Variants in ALDH5A1 observed in about 807,000 individuals in gnomAD.
ALDH5A1 encodes the protein succinate-semialdehyde dehydrogenase, mitochondrial.
Under a neutral mutation model 54.7 loss-of-function variants are expected in ALDH5A1, and 33 were observed. The observed-to-expected ratio is 0.60, with a 90% CI of 0.46 to 0.81. The LOEUF is 0.81. Among genes scored for constraint, ALDH5A1 ranks in the 30% least tolerant of loss-of-function variants. The pLI, the probability that ALDH5A1 is intolerant of heterozygous loss-of-function variation, is 0.00. For missense variants in ALDH5A1, 657 were observed against 711.0 expected (o/e 0.92, Z 0.86); for synonymous variants, 294 against 292.7 (o/e 1.00, Z -0.05).
chr6:24,533,734 A>C lies in ALDH5A1; in HGVS notation c.*22A>C. On this transcript the variant is annotated 3_prime_UTR_variant, in exon 10 of 10. Coordinates refer to ENST00000357578, the MANE Select transcript of ALDH5A1 (RefSeq NM_001080.3). Reference sequence around the variant, plus strand: ...GTAGGATTCTTTGGTTCTTTAAAAAAATTTAAAAGGAGACTTATCTACATA... The same window carrying C: ...GTAGGATTCTTTGGTTCTTTAAAAACATTTAAAAGGAGACTTATCTACATA... 1 of 1,607,028 alleles carries C rather than the reference A, an allele frequency of 6.2e-7. No homozygotes were observed. The highest frequency in any genetic ancestry group is 8.5e-7 in the Non-Finnish European group (1 of 1,174,072).
chr6:24,530,841 A>AG (rs1476966759), intron 8 of ALDH5A1, among the ~76,000 whole-genome samples: 14 of 152,208 alleles, frequency 9.2e-5, no homozygotes, highest in Non-Finnish European at 1.5e-4. Context: ...GCATTGATCC[A>AG]GGGACCCAGG....
intron 1 of ALDH5A1, among the ~76,000 whole-genome samples, chr6:24,497,195 T>G (rs1369119593): frequency 2.0e-5 from 3 of 152,092 alleles, no homozygotes; most frequent in Non-Finnish European, 4.4e-5. Context: ...GCTGGGTGGG[T>G]GGGGCGTGGT....
At chr6:24,526,359 T>A (rs932357273) in intron 7 of ALDH5A1, among the ~76,000 whole-genome samples, 1 of 152,052 alleles carries the variant, frequency 6.6e-6, no homozygotes, top group Non-Finnish European at 1.5e-5. Flanking sequence ...TGGAAGGAAA[T>A]TTTCTAAAAA....
chr6:24,512,863 C>T (rs995239069), intron 4 of ALDH5A1, among the ~76,000 whole-genome samples: 1 of 151,866 alleles, frequency 6.6e-6, no homozygotes, highest in East Asian at 1.9e-4. Context: ...CTATTTTTTG[C>T]ATTTTTAGTA....
chr6:24,502,681 G>T, intron 2 of ALDH5A1, 75 bp downstream of exon 2: 2 of 1,124,032 alleles, frequency 1.8e-6, no homozygotes, highest in South Asian at 2.6e-5. Context: ...GAAAGCCGCT[G>T]ACTTCCCTTC....
chr6:24,495,398 G>C (rs1055728206), intron 1 of ALDH5A1, 48 bp downstream of exon 1: 21 of 1,505,496 alleles, frequency 1.4e-5, no homozygotes, highest in Admixed American at 2.0e-5. Flanking sequence ...GGGACACGGC[G>C]GGGAGCAGAG....
At chr6:24,524,671 A>C (rs1311027745) in intron 7 of ALDH5A1, among the ~76,000 whole-genome samples, 1 of 152,166 alleles carries the variant, frequency 6.6e-6, no homozygotes, top group African/African-American at 2.4e-5. Flanking sequence ...AATACATTAA[A>C]ATTTACATTG....
chr6:24,502,031 G>A lies in ALDH5A1; in HGVS notation c.355-492G>A, dbSNP rs569705448. Among the ~76,000 whole-genome samples the A allele has an allele frequency of 6.6e-5, 10 of 152,044 alleles. No homozygotes were observed. The South Asian group carries it at 2.1e-3, about 32-fold the overall frequency. On this transcript the variant is annotated intron_variant, in intron 1 of 9. Coordinates refer to ENST00000357578, the MANE Select transcript of ALDH5A1 (RefSeq NM_001080.3). Reference sequence around the variant, plus strand: ...TTATAAAGGACTGGCTCATGTGACTGTGGATGCTAAGAAGTCCCACCCTCT... The same window carrying A: ...TTATAAAGGACTGGCTCATGTGACTATGGATGCTAAGAAGTCCCACCCTCT...
At chr6:24,527,973 C>G in intron 7 of ALDH5A1, 24 bp from the exon 8 acceptor site, 1 of 1,612,952 alleles carries the variant, frequency 6.2e-7, no homozygotes. Context: ...ATGTGGAAAG[C>G]TTTTTTTCTT....
chr6:24,516,424 G>C (rs549434352), intron 5 of ALDH5A1, among the ~76,000 whole-genome samples: 1 of 123,992 alleles, frequency 8.1e-6, no homozygotes, highest in Non-Finnish European at 1.6e-5. Context: ...CTGGGCGACA[G>C]AGTGAGACTC....
At chr6:24,505,669 G>C (rs1759324522) in intron 4 of ALDH5A1, among the ~76,000 whole-genome samples, 1 of 152,078 alleles carries the variant, frequency 6.6e-6, no homozygotes, top group South Asian at 2.1e-4. Flanking sequence ...TGGCCACCCT[G>C]TCTAAAAATC....
intron 4 of ALDH5A1, among the ~76,000 whole-genome samples, chr6:24,505,435 C>G (rs1251074881): frequency 1.3e-5 from 2 of 150,896 alleles, no homozygotes; most frequent in Non-Finnish European, 2.9e-5. Context: ...TCACTTCCCA[C>G]CCCCCCAGTA....
At chr6:24,531,867 C>T in intron 8 of ALDH5A1, 2 of 534,636 alleles carry the variant, frequency 3.7e-6, no homozygotes, top group South Asian at 2.1e-5. Context: ...GCCACAGTTC[C>T]CTACATGTTG....
chr6:24,495,139 C>G lies in ALDH5A1; in HGVS notation c.143C>G (p.Ala48Gly). 1 of 1,413,014 alleles carries G rather than the reference C, an allele frequency of 7.1e-7. No individual in the cohort carries two copies. The highest frequency in any genetic ancestry group is 9.2e-7 in the Non-Finnish European group (1 of 1,090,668). The allele number at this position is 1,413,014 out of a possible 1,614,324, so 87.5% of individuals were successfully genotyped here. A position where few individuals can be genotyped will look rare whatever the true frequency, so the allele number is the denominator to read the frequency against. ...GGCCCGGCCCAGCTCCGCTGCTACG[C>G]TGGGCGCCTGGCGGGCCTCTCTGCG... is the stretch of plus-strand genomic sequence containing the variant. ...APGPAQLRCY[A>G]GRLAGLSAAL... is the part of the protein sequence containing the mutation. Residue 48 changes from alanine (A) to glycine (G), a missense_variant, in exon 1 of 10, where the codon GCT becomes GGT. By Grantham distance (60) the Ala-to-Gly change is moderately conservative. Around this residue, in one of 2 missense-constraint regions of ALDH5A1, gnomAD observed 232 missense variants for 194.6 expected, o/e 1.19. Coordinates refer to ENST00000357578, the MANE Select transcript of ALDH5A1 (RefSeq NM_001080.3).
In ALDH5A1 at chr6:24,529,902, C is replaced by A. The variant is rs542731970; in HGVS notation, c.1343+1736C>A. On this transcript the variant is annotated intron_variant, in intron 8 of 9. Transcript: ENST00000357578. ...GGCCAGGATGGTCTCGAACTCCTGA[C>A]CTCAAGTGATCCACCCGCCTCAGCA... Among the ~76,000 whole-genome samples, 4 of 152,118 alleles carry A rather than the reference C, an allele frequency of 2.6e-5. No individual in the cohort carries two copies. The South Asian group carries it at 8.3e-4, about 32-fold the overall frequency.
At chr6:24,520,594 A>G in intron 6 of ALDH5A1, 50 bp downstream of exon 6, 2 of 1,604,602 alleles carry the variant, frequency 1.2e-6, no homozygotes, top group Non-Finnish European at 1.7e-6. Flanking sequence ...TGCATGTGTG[A>G]GTGTGTGTAT....
chr6:24,526,848 A>C (rs927631780), intron 7 of ALDH5A1, among the ~76,000 whole-genome samples: 5 of 139,744 alleles, frequency 3.6e-5, no homozygotes, highest in African/African-American at 1.4e-4. Context: ...TCTTCTCTAT[A>C]TATATATATT....
intron 8 of ALDH5A1, among the ~76,000 whole-genome samples, chr6:24,529,798 A>C (rs1759894244): frequency 6.7e-6 from 1 of 148,692 alleles, no homozygotes; most frequent in Non-Finnish European, 1.5e-5. Flanking sequence ...CAGCCTCCTG[A>C]GTAGCTGGGA....
At chr6:24,516,666 G>A (rs377205150) in intron 5 of ALDH5A1, among the ~76,000 whole-genome samples, 26 of 151,966 alleles carry the variant, frequency 1.7e-4, no homozygotes, top group South Asian at 8.3e-4. Flanking sequence ...CTGCCCAGGC[G>A]TGGTGGCTCA....
Sources: gnomAD v4.1 joint callset for allele counts (sites outside exome capture counted in the v4.1 genomes callset) on GRCh38, gnomAD v4.1.1 for gene constraint, gnomAD v4.1.1 regional missense constraint, MANE v1.5 for transcripts, NCBI Gene and HGNC (gene_info 2026-07-23, HGNC 2026-07-21) for gene names.